The following ADAM30 variants were observed in gnomAD, a reference collection of about 807,000 sequenced individuals.
ADAM30 encodes the protein disintegrin and metalloproteinase domain-containing protein 30.
For synonymous variants in ADAM30, 382 were observed against 340.9 expected (o/e 1.12, Z -1.33); for missense variants, 960 against 959.4 (o/e 1.00, Z -0.01).
Position 119,895,265 on chromosome 1 carries a change from T to G in ADAM30, c.1072A>C (p.Arg358=), listed in dbSNP as rs752675578. 3 of 1,614,158 alleles carry G rather than the reference T, an allele frequency of 1.9e-6. No individual in the cohort carries two copies. Among genetic ancestry groups the G allele is most frequent in the Non-Finnish European group, 2.5e-6 (3 of 1,180,030 alleles). The change falls in exon 1 of 1, where the codon AGG becomes CGG. Residue 358 remains arginine (R), a synonymous_variant. Transcript: ENST00000369400. ...HDEQYCQCRG[R]LNCIMGSGRT... ...CCTGAGCCCATGATGCAATTAAGCC[T>G]ACCCCTACATTGGCAGTATTGTTCA...
In ADAM30 at chr1:119,894,015, G is replaced by GTTTGCTTTAGATTCTTCCTGTCCAGTT; in HGVS notation, c.2295_2321dup (p.Lys765_Ala773dup). On this transcript the variant is annotated inframe_insertion, in exon 1 of 1. Coordinates refer to ENST00000369400, the MANE Select transcript of ADAM30 (RefSeq NM_021794.4). ...TTGCTTTGGGTCGTTTACTTTCAATGTTTGCTTTAGATTCTTCCTGTCCAG... is the reference window on the plus strand; with the variant it reads ...TTGCTTTGGGTCGTTTACTTTCAATGTTTGCTTTAGATTCTTCCTGTCCAGTTTTTGCTTTAGATTCTTCCTGTCCAG... 1.9e-6 allele frequency: 3 copies of GTTTGCTTTAGATTCTTCCTGTCCAGTT among 1,613,252 alleles called. 1 individual carries two copies. The South Asian group carries it at 3.3e-5, about 18-fold the overall frequency.
chr1:119,894,562 T>C lies in ADAM30; in HGVS notation c.1775A>G (p.His592Arg), dbSNP rs1648521582. Residue 592 changes from histidine to arginine, a missense_variant, in exon 1 of 1, where the codon CAT (histidine) becomes CGT (arginine). By Grantham distance (29) the His-to-Arg change is conservative (BLOSUM62 0). Transcript: ENST00000369400. ...ENLMCWGTGY[H>R]LSMKPMGIPD... Reference sequence around the variant, plus strand: ...TATTCCCATGGGTTTCATGGATAGATGATAGCCTGTGCCCCAGCACATGAG... The same window carrying C: ...TATTCCCATGGGTTTCATGGATAGACGATAGCCTGTGCCCCAGCACATGAG... The C allele has an allele frequency of 1.2e-6, 2 of 1,613,984 alleles. No individual in the cohort carries two copies. Among genetic ancestry groups the C allele is most frequent in the East Asian group, 2.2e-5 (1 of 44,900 alleles).
Position 119,895,390 on chromosome 1 carries a change from T to C in ADAM30, c.947A>G (p.Glu316Gly), listed in dbSNP as rs767305753. ...TAAAGTACTCACTGATCCAGCATAT[T>C]CTAGAGAACACACTTTTCCAAACGA... ...AWSFGKVCSLEYAGSVSTLLD... is the reference protein window; with the variant it reads ...AWSFGKVCSLGYAGSVSTLLD... The change falls in exon 1 of 1, where the codon GAA becomes GGA. Residue 316 changes from glutamate (E) to glycine (G), a missense_variant. By Grantham distance (98) the Glu-to-Gly change is moderately conservative. Transcript: ENST00000369400. 9 of 1,613,994 alleles carry C rather than the reference T, an allele frequency of 5.6e-6. No homozygotes were observed. The highest frequency in any genetic ancestry group is 6.8e-6 in the Non-Finnish European group (8 of 1,180,036).
At position 119,893,975 on chromosome 1, in the gene ADAM30, G is replaced by C; in HGVS notation, c.2362C>G (p.Gln788Glu). The C allele has an allele frequency of 6.2e-6, 10 of 1,604,144 alleles. No individual in the cohort carries two copies. The highest frequency in any genetic ancestry group is 8.5e-6 in the Non-Finnish European group (10 of 1,177,572). ...TATGGATTGCCCGGTTACTTTTTTT[G>C]TTTCTTGACACTCTTTGCTTTGGGT... ...KRPKAKSVKK[Q>E]KK The change falls in exon 1 of 1, where the codon CAA (glutamine) becomes GAA (glutamate). Residue 788 changes from glutamine (Q) to glutamate (E), a missense_variant. By Grantham distance (29) the Gln-to-Glu change is conservative. Coordinates refer to ENST00000369400, the MANE Select transcript of ADAM30 (RefSeq NM_021794.4).
chr1:119,895,239 T>C lies in ADAM30; in HGVS notation c.1098A>G (p.Gly366=). The C allele has an allele frequency of 1.9e-6, 3 of 1,614,200 alleles. No individual in the cohort carries two copies. Among genetic ancestry groups the C allele is most frequent in the Non-Finnish European group, 2.5e-6 (3 of 1,180,032 alleles). Residue 366 remains glycine (G), a synonymous_variant, in exon 1 of 1, where the codon GGA becomes GGG. Transcript: ENST00000369400. ...AACTGCAATTGCTAAACCCAGTGCG[T>C]CCTGAGCCCATGATGCAATTAAGCC... ...RGRLNCIMGS[G]RTGFSNCSYI... is the part of the protein sequence containing the mutation.
At position 119,894,969 on chromosome 1, in the gene ADAM30, C is replaced by G; in HGVS notation, c.1368G>C (p.Val456=). The change falls in exon 1 of 1, where the codon GTG becomes GTC. Residue 456 remains valine, a synonymous_variant. Coordinates refer to ENST00000369400, the MANE Select transcript of ADAM30 (RefSeq NM_021794.4). ...CACATTCATTTCCTTCCTGCCTACA[C>G]ACGTATCCAGATGGACGAAACCGAC... ...HDCRFRPSGY[V]CRQEGNECDL... is the part of the protein sequence containing the mutation. The G allele has an allele frequency of 6.2e-7, 1 of 1,614,240 alleles. No individual in the cohort carries two copies. The highest frequency in any genetic ancestry group is 1.7e-5 in the Admixed American group (1 of 60,038).
rs1188828970 is a variant in ADAM30, at chr1:119,895,622, T to C, written c.715A>G (p.Thr239Ala). 5 of 1,613,950 alleles carry C rather than the reference T, an allele frequency of 3.1e-6. No homozygotes were observed. The South Asian group carries it at 5.5e-5, about 18-fold the overall frequency. ...DAILLTGIMD[T>A]YFQDVRMRIH... The stretch of plus-strand genomic sequence containing the variant: ...CTCATACGAACATCTTGAAAGTAGG[T>C]GTCCATAATCCCAGTCAAAAGAATG... Residue 239 changes from threonine (T) to alanine (A), a missense_variant, in exon 1 of 1, where the codon ACC becomes GCC. Coordinates refer to ENST00000369400, the MANE Select transcript of ADAM30 (RefSeq NM_021794.4).
chr1:119,894,508 G>A lies in ADAM30; in HGVS notation c.1829C>T (p.Thr610Ile). 1 of 1,613,984 alleles carries A rather than the reference G, an allele frequency of 6.2e-7. No individual in the cohort carries two copies. The highest frequency in any genetic ancestry group is 8.5e-7 in the Non-Finnish European group (1 of 1,180,038). Residue 610 changes from threonine to isoleucine, a missense_variant, in exon 1 of 1, where the codon ACC (threonine) becomes ATC (isoleucine). Transcript: ENST00000369400. The stretch of plus-strand genomic sequence containing the variant: ...ACATACCCGGCCTTCTCCACAGGAG[G>A]TGCCATCATTTATCATACCTAGGTC... ...IPDLGMINDG[T>I]SCGEGRVCFK...
chr1:119,895,400 A>G lies in ADAM30; in HGVS notation c.937T>C (p.Cys313Arg). The G allele has an allele frequency of 6.2e-7, 1 of 1,613,984 alleles. No individual in the cohort carries two copies. Among genetic ancestry groups the G allele is most frequent in the Non-Finnish European group, 8.5e-7 (1 of 1,179,996 alleles). ...ACTGATCCAGCATATTCTAGAGAAC[A>G]CACTTTTCCAAACGACCATGCAAGA... ...DALAWSFGKV[C>R]SLEYAGSVST... is the part of the protein sequence containing the mutation. The change falls in exon 1 of 1, where the codon TGT becomes CGT. Residue 313 changes from cysteine (C) to arginine (R), a missense_variant. Coordinates refer to ENST00000369400, the MANE Select transcript of ADAM30 (RefSeq NM_021794.4).
In ADAM30 at chr1:119,894,203, T is replaced by C; in HGVS notation, c.2134A>G (p.Ile712Val). The change falls in exon 1 of 1, where the codon ATA becomes GTA. Residue 712 changes from isoleucine to valine, a missense_variant. By Grantham distance (29) the Ile-to-Val change is conservative. Coordinates refer to ENST00000369400, the MANE Select transcript of ADAM30 (RefSeq NM_021794.4). ...TGTTTGGGTTTTAAGTGGTTTCCTA[T>C]CACTTGCCGGAAAAACACAAAAACC... is the stretch of plus-strand genomic sequence containing the variant. ...SVVFVFFRQV[I>V]GNHLKPKQEK... 1 of 1,613,850 alleles carries C rather than the reference T, an allele frequency of 6.2e-7. No homozygotes were observed. The highest frequency in any genetic ancestry group is 8.5e-7 in the Non-Finnish European group (1 of 1,179,972).
At position 119,894,108 on chromosome 1, in the gene ADAM30, T is replaced by C; in HGVS notation, c.2229A>G (p.Glu743=). 6.2e-7 allele frequency: 1 copy of C among 1,613,484 alleles called. No individual in the cohort carries two copies. Among genetic ancestry groups the C allele is most frequent in the East Asian group, 2.2e-5 (1 of 44,884 alleles). ...EESKTKTVQE[E]SKTKTGQEES... is the part of the protein sequence containing the mutation. ...CTTCCTGTCCAGTTTTTGTTTTAGA[T>C]TCTTCCTGTACAGTTTTTGTTTTAG... Residue 743 remains glutamate (E), a synonymous_variant, in exon 1 of 1, where the codon GAA becomes GAG. Coordinates refer to ENST00000369400, the MANE Select transcript of ADAM30 (RefSeq NM_021794.4).
chr1:119,895,734 G>A lies in ADAM30; in HGVS notation c.603C>T (p.His201=). 6.2e-7 allele frequency: 1 copy of A among 1,613,992 alleles called. No homozygotes were observed. Among genetic ancestry groups the A allele is most frequent in the Non-Finnish European group, 8.5e-7 (1 of 1,180,014 alleles). The stretch of plus-strand genomic sequence containing the variant: ...GTAGGATCAATTCCAAGTACTTTGG[G>A]TGTTTATAGGATCCAGGAAAGTCCC... ...RLRDFPGSYK[H]PKYLELILLF... is the part of the protein sequence containing the mutation. Residue 201 remains histidine (H), a synonymous_variant, in exon 1 of 1, where the codon CAC becomes CAT. Coordinates refer to ENST00000369400, the MANE Select transcript of ADAM30 (RefSeq NM_021794.4).
Position 119,894,746 on chromosome 1 carries a change from C to G in ADAM30, c.1591G>C (p.Asp531His), listed in dbSNP as rs1648530163. 6.2e-7 allele frequency: 1 copy of G among 1,614,056 alleles called. No individual in the cohort carries two copies. Among genetic ancestry groups the G allele is most frequent in the Non-Finnish European group, 8.5e-7 (1 of 1,180,048 alleles). ...ECYDAVNLIG[D>H]QFGNCEITGI... ...GTAATCTCACAGTTACCAAATTGAT[C>G]ACCTATTAAGTTAACTGCATCATAG... Residue 531 changes from aspartate (D) to histidine (H), a missense_variant, in exon 1 of 1, where the codon GAT becomes CAT. Coordinates refer to ENST00000369400, the MANE Select transcript of ADAM30 (RefSeq NM_021794.4).
chr1:119,895,420 G>T lies in ADAM30; in HGVS notation c.917C>A (p.Ala306Glu). The change falls in exon 1 of 1, where the codon GCA (alanine) becomes GAA (glutamate). Residue 306 changes from alanine (A) to glutamate (E), a missense_variant. Coordinates refer to ENST00000369400, the MANE Select transcript of ADAM30 (RefSeq NM_021794.4). ...YLQRKYNDAL[A>E]WSFGKVCSLE... ...AGAACACACTTTTCCAAACGACCATGCAAGAGCATCATTATATTTTCTTTG... is the reference window on the plus strand; with the variant it reads ...AGAACACACTTTTCCAAACGACCATTCAAGAGCATCATTATATTTTCTTTG... 6.2e-7 allele frequency: 1 copy of T among 1,613,894 alleles called. No homozygotes were observed. Among genetic ancestry groups the T allele is most frequent in the East Asian group, 2.2e-5 (1 of 44,880 alleles).
At position 119,896,088 on chromosome 1, in the gene ADAM30, C is replaced by G; in HGVS notation, c.249G>C (p.Leu83=). 1 of 1,614,134 alleles carries G rather than the reference C, an allele frequency of 6.2e-7. No homozygotes were observed. The highest frequency in any genetic ancestry group is 1.7e-5 in the Admixed American group (1 of 60,016). ...AGAAAACGCGCAGATGTCGGGGCAA[C>G]AGAAGTCTCTTGGGCCACAAATGGA... The part of the protein sequence containing the change: ...HVLHLWPKRL[L]LPRHLRVFSF... The change falls in exon 1 of 1, where the codon CTG becomes CTC. Residue 83 remains leucine (L), a synonymous_variant. Transcript: ENST00000369400.
Position 119,895,668 on chromosome 1 carries a change from AAGATTGT to A in ADAM30, c.662_668del (p.Asn221IlefsTer11). The stretch of plus-strand genomic sequence containing the variant: ...GAATGGCATCATGTATGACTTGAGA[AAGATTGT>A]TGTTCACAAACCTATACCTACTTTG... On this transcript the variant is annotated frameshift_variant, in exon 1 of 1. Transcript: ENST00000369400. LOFTEE classifies it low-confidence loss of function (END_TRUNC). The A allele has an allele frequency of 6.2e-7, 1 of 1,614,154 alleles. No homozygotes were observed. The highest frequency in any genetic ancestry group is 8.5e-7 in the Non-Finnish European group (1 of 1,180,028).
chr1:119,896,514 G>T lies in ADAM30; in HGVS notation c.-178C>A. On this transcript the variant is annotated 5_prime_UTR_variant, in exon 1 of 1. Transcript: ENST00000369400. Reference sequence around the variant, plus strand: ...TCGGTCTAGCTGGCGTCCGCAATGCGCGCGTGACCTGTCCAACGCATCCAG... The same window carrying T: ...TCGGTCTAGCTGGCGTCCGCAATGCTCGCGTGACCTGTCCAACGCATCCAG... 1.1e-6 allele frequency: 1 copy of T among 902,430 alleles called. No individual in the cohort carries two copies. Among genetic ancestry groups the T allele is most frequent in the Non-Finnish European group, 1.5e-6 (1 of 647,756 alleles). 55.9% of individuals were successfully genotyped at this position (902,430 alleles called of 1,614,324 possible).
At position 119,895,127 on chromosome 1, in the gene ADAM30, T is replaced by C. The variant is rs900803268; in HGVS notation, c.1210A>G (p.Asn404Asp). The C allele has an allele frequency of 5.0e-6, 8 of 1,614,198 alleles. No individual in the cohort carries two copies. The highest frequency in any genetic ancestry group is 6.8e-6 in the Non-Finnish European group (8 of 1,180,034). ...GLGYVLKRCGNKIVEDNEECD... is the reference protein window; with the variant it reads ...GLGYVLKRCGDKIVEDNEECD... ...TCCTCATTGTCCTCCACAATTTTGT[T>C]TCCACATCTCTTAAGCACATAACCT... Residue 404 changes from asparagine to aspartate, a missense_variant, in exon 1 of 1, where the codon AAC becomes GAC. By Grantham distance (23) the Asn-to-Asp change is conservative. Coordinates refer to ENST00000369400, the MANE Select transcript of ADAM30 (RefSeq NM_021794.4).
Position 119,896,382 on chromosome 1 carries a change from C to T in ADAM30, c.-46G>A. 5 of 1,488,366 alleles carry T rather than the reference C, an allele frequency of 3.4e-6. No individual in the cohort carries two copies. The highest frequency in any genetic ancestry group is 4.5e-6 in the Non-Finnish European group (5 of 1,119,352). The allele number at this position is 1,488,366 out of a possible 1,614,324, so 92.2% of individuals were successfully genotyped here. A position where few individuals can be genotyped will look rare whatever the true frequency, so the allele number is the denominator to read the frequency against. ...TCAGTTTGCTATTCAGTCCCTGCAA[C>T]TCTGGCCTCGCGAGTCAGATTTCTG... On this transcript the variant is annotated 5_prime_UTR_variant, in exon 1 of 1. Transcript: ENST00000369400.
Sources: gnomAD v4.1 joint callset for allele counts on GRCh38, gnomAD v4.1.1 for gene constraint, MANE v1.5 for transcripts, NCBI Gene and HGNC (gene_info 2026-07-23, HGNC 2026-07-21) for gene names.